Variants in CBFA2T3 observed in about 807,000 individuals in gnomAD.
The protein encoded by CBFA2T3 is CBFA2/RUNX1 partner transcriptional co-repressor 3.
CBFA2T3 carries 31 observed loss-of-function variants against 58.6 expected under a neutral mutation model. The observed-to-expected ratio is 0.53, with a 90% CI of 0.40 to 0.71. The LOEUF (loss-of-function observed/expected upper bound fraction) is 0.71. Ranked by LOEUF, CBFA2T3 falls within the 30% of genes least tolerant of loss-of-function variation. The pLI, the probability that CBFA2T3 is intolerant of heterozygous loss-of-function variation, is 0.00. For synonymous variants in CBFA2T3, 531 were observed against 421.9 expected (o/e 1.26, Z -3.17); for missense variants, 1,076 against 963.1 (o/e 1.12, Z -1.55).
chr16:88,976,023 G>A (rs958670941), intron 1 of CBFA2T3, among the ~76,000 whole-genome samples: 7 of 152,238 alleles, frequency 4.6e-5, no homozygotes, highest in African/African-American at 1.7e-4. Context: ...GGGGATCCTT[G>A]TCCTGGGACT....
At position 88,976,890 on chromosome 16, in the gene CBFA2T3, G is replaced by A; in HGVS notation, c.-83C>T. Reference sequence around the variant, plus strand: ...GCCTTTCCCGACCTCCTGCAGCCTTGAGGGAAAGAGGAGGGGCTGGGCCAG... The same window carrying A: ...GCCTTTCCCGACCTCCTGCAGCCTTAAGGGAAAGAGGAGGGGCTGGGCCAG... On this transcript the variant is annotated 5_prime_UTR_variant, in exon 1 of 12. The change creates a premature stop within an existing upstream ORF in the 5' untranslated region. Coordinates refer to ENST00000268679, the MANE Select transcript of CBFA2T3 (RefSeq NM_005187.6). 6.8e-7 allele frequency: 1 copy of A among 1,464,560 alleles called. No homozygotes were observed. Among genetic ancestry groups the A allele is most frequent in the Non-Finnish European group, 9.2e-7 (1 of 1,092,182 alleles). 90.7% of individuals were successfully genotyped at this position (1,464,560 alleles called of 1,614,324 possible).
At chr16:88,928,187 G>A (rs1971148720) in intron 1 of CBFA2T3, among the ~76,000 whole-genome samples, 1 of 152,206 alleles carries the variant, frequency 6.6e-6, no homozygotes, top group Non-Finnish European at 1.5e-5. Context: ...GTTGCCTCAC[G>A]CCTCTGAGTT....
At position 88,944,326 on chromosome 16, in the gene CBFA2T3, G is replaced by C. The variant is rs529083688; in HGVS notation, c.151+32331C>G. On this transcript the variant is annotated intron_variant, in intron 1 of 11. Transcript: ENST00000268679. ...CACTCCAGCCTGGGTGACAGAGCGA[G>C]ACTCCATCTCAAAAAAAAAAAAAAA... 3.2e-4 allele frequency among the ~76,000 whole-genome samples: 39 copies of C among 122,290 alleles called. No homozygotes were observed. The East Asian group carries it at 8.4e-3, about 26-fold the overall frequency. 80.2% of individuals were successfully genotyped at this position (122,290 alleles called of 152,430 possible).
intron 8 of CBFA2T3, 95 bp downstream of exon 8, chr16:88,882,581 G>A: frequency 2.5e-6 from 1 of 401,000 alleles, no homozygotes; most frequent in Non-Finnish European, 3.9e-6. Context: ...TGTGGGCGTG[G>A]CTGTGTGTGC....
In CBFA2T3 at chr16:88,975,367, C is replaced by T. The variant is rs557410151; in HGVS notation, c.151+1290G>A. 7.9e-5 allele frequency among the ~76,000 whole-genome samples: 12 copies of T among 152,340 alleles called. No individual in the cohort carries two copies. The South Asian group carries it at 2.3e-3, about 29-fold the overall frequency. On this transcript the variant is annotated intron_variant, in intron 1 of 11. Coordinates refer to ENST00000268679, the MANE Select transcript of CBFA2T3 (RefSeq NM_005187.6). Reference sequence around the variant, plus strand: ...CCCCCGTCCTTCCACAGTAGACGCCCCCATCCTAACAAAGCGGCGGCTCTC... The same window carrying T: ...CCCCCGTCCTTCCACAGTAGACGCCTCCATCCTAACAAAGCGGCGGCTCTC...
intron 2 of CBFA2T3, among the ~76,000 whole-genome samples, chr16:88,900,205 T>A (rs1001140126): frequency 1.7e-4 from 26 of 152,238 alleles, no homozygotes; most frequent in Non-Finnish European, 3.2e-4. Context: ...TGGCTCCTAC[T>A]GAGTGCCGGG....
chr16:88,875,859 T>C lies in CBFA2T3; in HGVS notation c.*1117A>G. ...GAAATATGAAAAGTCACAGGGGGCG[T>C]GAGGACAGACGGCGTGTCCTTTCCT... On this transcript the variant is annotated 3_prime_UTR_variant, in exon 12 of 12. Transcript: ENST00000268679. 1 of 233,304 alleles carries C rather than the reference T, an allele frequency of 4.3e-6. No homozygotes were observed. The highest frequency in any genetic ancestry group is 8.5e-6 in the Non-Finnish European group (1 of 117,954). The allele number at this position is 233,304 out of a possible 1,614,324, so 14.5% of individuals were successfully genotyped here. A position where few individuals can be genotyped will look rare whatever the true frequency, so the allele number is the denominator to read the frequency against.
chr16:88,976,783 T>G lies in CBFA2T3; in HGVS notation c.25A>C (p.Arg9=). 5 of 1,555,424 alleles carry G rather than the reference T, an allele frequency of 3.2e-6. No homozygotes were observed. Among genetic ancestry groups the G allele is most frequent in the Non-Finnish European group, 4.4e-6 (5 of 1,149,110 alleles). ...GATCCCGAGGCTGAACTGGCTGCCC[T>G]GTCCCTCAGTCTTGAAGCCGGCATG... MPASRLRD[R]AASSASGSTC... is the part of the protein sequence containing the mutation. The change falls in exon 1 of 12, where the codon AGG becomes CGG. Residue 9 remains arginine, a synonymous_variant. Transcript: ENST00000268679.
intron 2 of CBFA2T3, among the ~76,000 whole-genome samples, chr16:88,898,652 A>G (rs1567591126): frequency 1.3e-5 from 2 of 152,366 alleles, no homozygotes; most frequent in South Asian, 4.1e-4. Flanking sequence ...CGCGTGTCCT[A>G]AAAGCGACCT....
chr16:88,925,958 C>T (rs898816032), intron 1 of CBFA2T3, among the ~76,000 whole-genome samples: 5 of 152,250 alleles, frequency 3.3e-5, no homozygotes, highest in South Asian at 2.1e-4. Flanking sequence ...CAGAAAGACA[C>T]GGCTGTCCTG....
chr16:88,956,417 C>G (rs1040022921), intron 1 of CBFA2T3, among the ~76,000 whole-genome samples: 18 of 152,250 alleles, frequency 1.2e-4, no homozygotes, highest in African/African-American at 4.3e-4. Context: ...GCTCTTTGAG[C>G]CCAGGATGAC....
chr16:88,900,720 C>G (rs1299219685), intron 2 of CBFA2T3, among the ~76,000 whole-genome samples: 2 of 152,202 alleles, frequency 1.3e-5, no homozygotes, highest in African/African-American at 4.8e-5. Context: ...CCTTGAGGGA[C>G]AGGGACGCTG....
rs114228693 is a variant in CBFA2T3, at chr16:88,910,086, C to T, written c.152-8430G>A. ...GTCCCCTCTGGCCTCACCAGCTGTC[C>T]CCTCTGGCCTAACCACACGCACTAC... On this transcript the variant is annotated intron_variant, in intron 1 of 11. Coordinates refer to ENST00000268679, the MANE Select transcript of CBFA2T3 (RefSeq NM_005187.6). Among the ~76,000 whole-genome samples the T allele has an allele frequency of 7.3e-3, 1,115 of 152,356 alleles. 19 individuals carry two copies. The highest frequency in any genetic ancestry group is 0.025 in the African/African-American group (1,058 of 41,586).
Position 88,895,089 on chromosome 16 carries a change from C to T in CBFA2T3, c.380-2604G>A, listed in dbSNP as rs181805896. The stretch of plus-strand genomic sequence containing the variant: ...ACATGGGACGTGGGGACCTACATGC[C>T]GGCCCCCCTTTCTGGGCTGCGTCCC... On this transcript the variant is annotated intron_variant, in intron 3 of 11. Transcript: ENST00000268679. Among the ~76,000 whole-genome samples the T allele has an allele frequency of 2.2e-3, 329 of 152,298 alleles. 1 individual carries two copies. Among genetic ancestry groups the T allele is most frequent in the African/African-American group, 7.1e-3 (297 of 41,560 alleles).
chr16:88,881,252 A>G (rs1439704873), intron 9 of CBFA2T3, 39 bp downstream of exon 9: 1 of 1,555,982 alleles, frequency 6.4e-7, no homozygotes, highest in African/African-American at 1.4e-5. Context: ...CCACCAGAGC[A>G]CCCCGTGTCT....
intron 1 of CBFA2T3, among the ~76,000 whole-genome samples, chr16:88,908,478 G>A (rs1255239444): frequency 6.6e-6 from 1 of 152,220 alleles, no homozygotes. Flanking sequence ...GCCGGGAGAG[G>A]AAGCCGCTTT....
chr16:88,917,816 G>T (rs991873775), intron 1 of CBFA2T3, among the ~76,000 whole-genome samples: 12 of 152,324 alleles, frequency 7.9e-5, no homozygotes, highest in Admixed American at 1.3e-4. Context: ...GCAGACGAGA[G>T]TGTGCGTGAA....
At chr16:88,882,344 G>A (rs184032396) in intron 8 of CBFA2T3, among the ~76,000 whole-genome samples, 2 of 152,138 alleles carry the variant, frequency 1.3e-5, no homozygotes, top group Admixed American at 6.5e-5. Context: ...GGGCATGGCT[G>A]TGCGTGGGTG....
intron 1 of CBFA2T3, among the ~76,000 whole-genome samples, chr16:88,936,440 G>A (rs1011390346): frequency 2.6e-5 from 4 of 151,194 alleles, no homozygotes; most frequent in South Asian, 2.1e-4. Context: ...AGGGGCAGCC[G>A]AGTATCCACC....
Sources: allele counts gnomAD v4.1 joint callset (sites outside exome capture counted in the v4.1 genomes callset), GRCh38; gene constraint gnomAD v4.1.1; transcripts MANE v1.5; gene names NCBI Gene and HGNC (gene_info 2026-07-23, HGNC 2026-07-21).